ABLIM2: variants seen among roughly 807,000 people sequenced by gnomAD.
ABLIM2 encodes actin binding LIM protein family member 2, also known as actin-binding LIM protein 2.
Under a neutral mutation model 97.7 loss-of-function variants are expected in ABLIM2, and 53 were observed. That is an observed-to-expected ratio of 0.54 (90% CI 0.44 to 0.68). ABLIM2 has a LOEUF of 0.68. Ranked by LOEUF, ABLIM2 falls within the 30% of genes least tolerant of loss-of-function variation. The pLI, the probability that ABLIM2 is intolerant of heterozygous loss-of-function variation, is 0.00. For synonymous variants in ABLIM2, 361 were observed against 345.8 expected (o/e 1.04, Z -0.49); for missense variants, 835 against 867.2 (o/e 0.96, Z 0.47).
intron 3 of ABLIM2, among the ~76,000 whole-genome samples, chr4:8,091,887 TATA>T (rs1828979513): frequency 2.0e-5 from 2 of 102,042 alleles, no homozygotes; most frequent in East Asian, 2.7e-4. Context: ...TATTATAATA[TATA>T]ACATAATATA....
At chr4:8,039,809 A>C (rs1786959339) in intron 9 of ABLIM2, among the ~76,000 whole-genome samples, 1 of 151,600 alleles carries the variant, frequency 6.6e-6, no homozygotes, top group African/African-American at 2.4e-5. Flanking sequence ...TCTCAGAAGC[A>C]TCGGCAGGGC....
intron 4 of ABLIM2, among the ~76,000 whole-genome samples, chr4:8,084,010 A>G (rs1458133348): frequency 6.6e-6 from 1 of 152,036 alleles, no homozygotes; most frequent in Non-Finnish European, 1.5e-5. Context: ...CCCCCTCTGC[A>G]GCACCTCAGG....
At chr4:8,119,358 C>T (rs1269887151) in intron 1 of ABLIM2, among the ~76,000 whole-genome samples, 13 of 134,428 alleles carry the variant, frequency 9.7e-5, no homozygotes, top group African/African-American at 3.3e-4. Context: ...GACAGAGTCT[C>T]GCTCTGTTGC....
At position 8,054,180 on chromosome 4, in the gene ABLIM2, C is replaced by T. The variant is rs79014382; in HGVS notation, c.822+8G>A. 246 of 1,613,980 alleles carry T rather than the reference C, an allele frequency of 1.5e-4. No individual in the cohort carries two copies. The African/African-American group carries it at 3.1e-3, about 20-fold the overall frequency. ...GGTACATCAGAGACACCAGTGAATG[C>T]CACCAACCTTGTTTCTGTCTTCAGT... is the stretch of plus-strand genomic sequence containing the variant. On this transcript the variant is annotated splice_region_variant and intron_variant, in intron 8 of 20. Coordinates refer to ENST00000447017, the MANE Select transcript of ABLIM2 (RefSeq NM_001130083.2). This position sits in a 1 kb window ranked among gnomAD's most constrained non-coding sequence, Gnocchi z 4.9.
chr4:8,093,812 T>G (rs78633451), intron 3 of ABLIM2, among the ~76,000 whole-genome samples: 3,676 of 152,310 alleles, frequency 0.024, 137 homozygotes, highest in African/African-American at 0.081. Context: ...AGCAATTTGA[T>G]TAGGATAGAT....
At chr4:8,084,580 T>A (rs1447726927) in intron 4 of ABLIM2, among the ~76,000 whole-genome samples, 2 of 152,002 alleles carry the variant, frequency 1.3e-5, no homozygotes, top group Non-Finnish European at 2.9e-5. Context: ...GCCTGGGACC[T>A]TAGAACTGCA....
chr4:8,037,320 A>G (rs576706608), intron 9 of ABLIM2, among the ~76,000 whole-genome samples: 1 of 135,872 alleles, frequency 7.4e-6, no homozygotes, highest in South Asian at 2.4e-4. Flanking sequence ...ATGCATGCGC[A>G]CACATGCACA....
chr4:8,088,692 C>CA (rs1825417094), intron 3 of ABLIM2, among the ~76,000 whole-genome samples: 1 of 152,248 alleles, frequency 6.6e-6, no homozygotes, highest in Non-Finnish European at 1.5e-5. Flanking sequence ...CAGCTATGTA[C>CA]ACTGGGCATC....
rs1846508419 is a variant in ABLIM2 at position 8,123,681 on chromosome 4, G to A, written c.11-17044C>T. Among the ~76,000 whole-genome samples, 2 of 152,276 alleles carry A rather than the reference G, an allele frequency of 1.3e-5. No homozygotes were observed. The highest frequency in any genetic ancestry group is 3.9e-4 in the East Asian group (2 of 5,178). On this transcript the variant is annotated intron_variant, in intron 1 of 20. Transcript: ENST00000447017. The surrounding 1 kb of genome is among the most constrained non-coding windows in gnomAD (Gnocchi z 6.2). ...CCCCTGCCTTAAAGCGGGTCTCCTG[G>A]GGGCGTCATCCTTGTACTGACAGGG...
rs1314323266 is a variant in ABLIM2, at chr4:8,058,074, C to G, written c.763+2893G>C. 6.6e-6 allele frequency among the ~76,000 whole-genome samples: 1 copy of G among 152,256 alleles called. No homozygotes were observed. Among genetic ancestry groups the G allele is most frequent in the Non-Finnish European group, 1.5e-5 (1 of 68,044 alleles). ...AGCGGGGGCTGGCCTCAGGCCAGTC[C>G]TGAAGGGCGCCTTTGTTCCTGAGAT... On this transcript the variant is annotated intron_variant, in intron 7 of 20. Coordinates refer to ENST00000447017, the MANE Select transcript of ABLIM2 (RefSeq NM_001130083.2). This position sits in a 1 kb window ranked among gnomAD's most constrained non-coding sequence, Gnocchi z 4.2.
intron 1 of ABLIM2, among the ~76,000 whole-genome samples, chr4:8,142,557 C>G (rs946582912): frequency 6.6e-6 from 1 of 152,232 alleles, no homozygotes; most frequent in African/African-American, 2.4e-5. Flanking sequence ...CTCTGCTGCT[C>G]TTGAGTGAAA....
chr4:8,144,513 G>A (rs545562321), intron 1 of ABLIM2, among the ~76,000 whole-genome samples: 2 of 152,190 alleles, frequency 1.3e-5, no homozygotes, highest in African/African-American at 2.4e-5. Flanking sequence ...TGAAAGCCTC[G>A]CAGGAAGCTG....
Position 8,033,600 on chromosome 4 carries a change from C to G in ABLIM2, c.1047+2549G>C, listed in dbSNP as rs1782382665. On this transcript the variant is annotated intron_variant, in intron 10 of 20. Transcript: ENST00000447017. This position sits in a 1 kb window ranked among gnomAD's most constrained non-coding sequence, Gnocchi z 4.5. The stretch of plus-strand genomic sequence containing the variant: ...GAGAGCGGAAGCTCACACACAGGTG[C>G]CACTGTTTAGCAGAGCGGGAGGCCA... Among the ~76,000 whole-genome samples, 1 of 152,238 alleles carries G rather than the reference C, an allele frequency of 6.6e-6. No individual in the cohort carries two copies. The highest frequency in any genetic ancestry group is 1.5e-5 in the Non-Finnish European group (1 of 68,034).
intron 3 of ABLIM2, among the ~76,000 whole-genome samples, chr4:8,091,793 A>ATAAT (rs1828713560): frequency 1.1e-5 from 1 of 86,976 alleles, no homozygotes; most frequent in African/African-American, 5.1e-5. Flanking sequence ...TAATAATTAT[A>ATAAT]GAATTAATAT....
chr4:8,057,397 T>A (rs1007420741), intron 7 of ABLIM2, among the ~76,000 whole-genome samples: 1 of 152,226 alleles, frequency 6.6e-6, no homozygotes, highest in African/African-American at 2.4e-5. Context: ...CCTCTTTTGA[T>A]CTTTCTAACG....
intron 1 of ABLIM2, among the ~76,000 whole-genome samples, chr4:8,119,216 C>T (rs568681051): frequency 1.4e-4 from 21 of 152,022 alleles, no homozygotes; most frequent in African/African-American, 4.8e-4. Flanking sequence ...GCCCCAATCT[C>T]ACTTCTGAGG....
intron 6 of ABLIM2, among the ~76,000 whole-genome samples, chr4:8,074,776 C>CTTTTTTT (rs71175458): frequency 9.5e-6 from 1 of 105,048 alleles, no homozygotes; most frequent in Non-Finnish European, 1.9e-5. Flanking sequence ...CCTGGTAATT[C>CTTTTTTT]TTTTTTTTTT....
At chr4:8,013,244 AT>A (rs1484240886) in intron 14 of ABLIM2, among the ~76,000 whole-genome samples, 1 of 100,308 alleles carries the variant, frequency 1.0e-5, no homozygotes, top group Non-Finnish European at 1.9e-5. Context: ...TTTTTTTGAG[AT>A]GGATTCTCAC....
At chr4:7,977,550 G>A (rs1734473300) in intron 20 of ABLIM2, among the ~76,000 whole-genome samples, 3 of 152,176 alleles carry the variant, frequency 2.0e-5, no homozygotes. Context: ...AGCACTTTGG[G>A]AGGCTGAAGT....
Sources: gnomAD v4.1 joint callset for allele counts (sites outside exome capture counted in the v4.1 genomes callset) on GRCh38, gnomAD v4.1.1 for gene constraint, Gnocchi (gnomAD v3.1) non-coding constraint, MANE v1.5 for transcripts, NCBI Gene and HGNC (gene_info 2026-07-23, HGNC 2026-07-21) for gene names.